The following SDCCAG8 variants were observed in gnomAD, a reference collection of about 807,000 sequenced individuals.
SDCCAG8 encodes serologically defined colon cancer antigen 8.
In SDCCAG8, 74 loss-of-function variants were observed where a neutral mutation model predicts 101.8. The observed-to-expected ratio is 0.73, with a 90% confidence interval of 0.60 to 0.88. SDCCAG8 has a LOEUF of 0.88. Among genes scored for constraint, SDCCAG8 ranks in the 40% least tolerant of loss-of-function variants. The probability of loss-of-function intolerance (pLI) is 0.00; values close to 1 mark genes in which losing one functional copy is unlikely to be tolerated. For missense variants in SDCCAG8, 787 were observed against 822.6 expected, an observed-to-expected ratio of 0.96 and a Z score of 0.53; for synonymous variants, 281 against 292.9, an observed-to-expected ratio of 0.96 and a Z score of 0.41.
rs1231834462 is a variant in SDCCAG8 at position 243,270,091 on chromosome 1, G to C, written c.68-14G>C. ...ACTCCATGGGTCCTAACTTTCGTCA[G>C]GTTGTTCTTGCAGAACATGCCAGCA... On this transcript the variant is annotated splice_polypyrimidine_tract_variant and intron_variant, in intron 1 of 17. Transcript: ENST00000366541. 1.2e-6 allele frequency: 2 copies of C among 1,614,196 alleles called. No individual in the cohort carries two copies. The highest frequency in any genetic ancestry group is 8.5e-7 in the Non-Finnish European group (1 of 1,180,044).
chr1:243,474,405 C>G lies in SDCCAG8; in HGVS notation c.1986-14609C>G, dbSNP rs1661925209. 6.6e-6 allele frequency among the ~76,000 whole-genome samples: 1 copy of G among 152,206 alleles called. No individual in the cohort carries two copies. The highest frequency in any genetic ancestry group is 2.1e-4 in the South Asian group (1 of 4,830). ...GCCTCCCCAAGCCCCGGCCGGCTGC[C>G]CTCCAGGTGCGGGCTCCAGGCCCTC... On this transcript the variant is annotated intron_variant, in intron 16 of 17. Transcript: ENST00000366541. This position sits in a 1 kb window ranked among gnomAD's most constrained non-coding sequence, Gnocchi z 4.7.
At chr1:243,310,904 CG>C (rs1475642945) in intron 8 of SDCCAG8, among the ~76,000 whole-genome samples, 4 of 152,242 alleles carry the variant, frequency 2.6e-5, no homozygotes, top group African/African-American at 9.6e-5. Context: ...AAGAACAACC[CG>C]TCAGACTGAC....
At chr1:243,292,186 A>G (rs1394624351) in intron 5 of SDCCAG8, among the ~76,000 whole-genome samples, 1 of 152,176 alleles carries the variant, frequency 6.6e-6, no homozygotes, top group African/African-American at 2.4e-5. Context: ...AGGTTTTATT[A>G]CATAGGCATG....
intron 17 of SDCCAG8, among the ~76,000 whole-genome samples, chr1:243,492,911 T>A (rs2148290831): frequency 6.6e-6 from 1 of 152,230 alleles, no homozygotes; most frequent in Non-Finnish European, 1.5e-5. Flanking sequence ...GCCTCTTGGC[T>A]TGTTCTTAGT....
At chr1:243,364,809 A>T (rs1486289839) in intron 12 of SDCCAG8, among the ~76,000 whole-genome samples, 4 of 152,206 alleles carry the variant, frequency 2.6e-5, no homozygotes, top group Non-Finnish European at 5.9e-5. Context: ...CAAACCTAAG[A>T]AAATGCATTT....
intron 13 of SDCCAG8, among the ~76,000 whole-genome samples, chr1:243,385,341 G>A (rs1009893560): frequency 6.6e-6 from 1 of 152,186 alleles, no homozygotes; most frequent in Non-Finnish European, 1.5e-5. Context: ...AGTGAGCTGT[G>A]ATGGCACTGC....
At chr1:243,303,889 A>G (rs766200307) in intron 6 of SDCCAG8, among the ~76,000 whole-genome samples, 4 of 152,146 alleles carry the variant, frequency 2.6e-5, no homozygotes, top group Non-Finnish European at 5.9e-5. Flanking sequence ...CCTAGCCAAC[A>G]TGATGAAACC....
intron 13 of SDCCAG8, among the ~76,000 whole-genome samples, chr1:243,398,805 T>G (rs958440332): frequency 6.6e-6 from 1 of 152,244 alleles, no homozygotes; most frequent in Non-Finnish European, 1.5e-5. Context: ...AACCAATAGC[T>G]TCCCAGAAAT....
chr1:243,259,048 C>T lies in SDCCAG8; in HGVS notation c.67+2808C>T, dbSNP rs569514326. ...CATTGATATTCAGCCAGGAAGTGGC[C>T]GCATAAAAATGCAAAATGCTTTCCC... On this transcript the variant is annotated intron_variant, in intron 1 of 17. Transcript: ENST00000366541. Among the ~76,000 whole-genome samples, 15 of 152,246 alleles carry T rather than the reference C, an allele frequency of 9.9e-5. No homozygotes were observed. The South Asian group carries it at 1.7e-3, about 17-fold the overall frequency.
At chr1:243,434,412 AT>A (rs2082002348) in intron 16 of SDCCAG8, among the ~76,000 whole-genome samples, 1 of 152,242 alleles carries the variant, frequency 6.6e-6, no homozygotes, top group Admixed American at 6.5e-5. Context: ...ATATGCCATT[AT>A]TTTATAATAT....
chr1:243,405,596 T>C (rs1255825690), intron 13 of SDCCAG8, among the ~76,000 whole-genome samples: 1 of 152,182 alleles, frequency 6.6e-6, no homozygotes, highest in East Asian at 1.9e-4. Context: ...TGAACCTTAA[T>C]TATTAAGGAG....
intron 12 of SDCCAG8, among the ~76,000 whole-genome samples, chr1:243,345,335 T>C (rs1169032014): frequency 1.3e-5 from 2 of 152,202 alleles, no homozygotes; most frequent in African/African-American, 4.8e-5. Context: ...AGTACTAAAT[T>C]AAAATCCTGG....
At chr1:243,372,928 A>ATATC (rs1195818498) in intron 12 of SDCCAG8, among the ~76,000 whole-genome samples, 1 of 145,646 alleles carries the variant, frequency 6.9e-6, no homozygotes, top group East Asian at 2.0e-4. Flanking sequence ...ATCTATATCT[A>ATATC]TATCTATATC....
At chr1:243,435,359 C>A (rs755389022) in intron 16 of SDCCAG8, among the ~76,000 whole-genome samples, 3 of 152,142 alleles carry the variant, frequency 2.0e-5, no homozygotes, top group African/African-American at 4.8e-5. Context: ...GTTGTGAAAA[C>A]TGCCTAAAAT....
chr1:243,308,192 A>G lies in SDCCAG8; in HGVS notation c.929+15A>G. ...AGACTGGTTAAGTAAGTATGCTTCT[A>G]CGCGCACGGAGACTTTGGCAATATG... On this transcript the variant is annotated intron_variant, in intron 8 of 17. Transcript: ENST00000366541. 2 of 1,613,910 alleles carry G rather than the reference A, an allele frequency of 1.2e-6. No individual in the cohort carries two copies. Among genetic ancestry groups the G allele is most frequent in the Non-Finnish European group, 1.7e-6 (2 of 1,179,856 alleles).
chr1:243,352,169 C>CA (rs2076119222), intron 12 of SDCCAG8, among the ~76,000 whole-genome samples: 1 of 152,080 alleles, frequency 6.6e-6, no homozygotes, highest in Non-Finnish European at 1.5e-5. Flanking sequence ...TAAGCAGAGA[C>CA]AACACATCTG....
intron 16 of SDCCAG8, among the ~76,000 whole-genome samples, chr1:243,482,277 G>T (rs1306599852): frequency 6.6e-6 from 1 of 152,122 alleles, no homozygotes; most frequent in East Asian, 1.9e-4. Context: ...TTAAATGCTG[G>T]TTCTGATCAT....
intron 6 of SDCCAG8, among the ~76,000 whole-genome samples, chr1:243,302,809 G>T (rs1390708005): frequency 1.3e-5 from 2 of 152,180 alleles, no homozygotes; most frequent in Admixed American, 1.3e-4. Context: ...TTACATATGG[G>T]TACTCTATGG....
At position 243,266,780 on chromosome 1, in the gene SDCCAG8, A is replaced by AAAAAAAG. The variant is rs1240060069; in HGVS notation, c.68-3319_68-3318insGAAAAAA. ...TATTTGTCTCTATTATAAATACAAAAAAAAAAAAAGAAATTAGCTGGGCAC... is the reference window on the plus strand; with the variant it reads ...TATTTGTCTCTATTATAAATACAAAAAAAAAAGAAAAAAAAAGAAATTAGCTGGGCAC... On this transcript the variant is annotated intron_variant, in intron 1 of 17. Transcript: ENST00000366541. Among the ~76,000 whole-genome samples the AAAAAAAG allele has an allele frequency of 4.0e-5, 6 of 148,152 alleles. 1 individual carries two copies. The highest frequency in any genetic ancestry group is 7.4e-5 in the Non-Finnish European group (5 of 67,174).
Sources: gnomAD v4.1 joint callset for allele counts (sites outside exome capture counted in the v4.1 genomes callset) on GRCh38, gnomAD v4.1.1 for gene constraint, Gnocchi (gnomAD v3.1) non-coding constraint, MANE v1.5 for transcripts, NCBI Gene and HGNC (gene_info 2026-07-23, HGNC 2026-07-21) for gene names.